Variants in ZP2 observed in about 807,000 individuals in gnomAD.
The protein encoded by ZP2 is zona pellucida glycoprotein 2.
ZP2 carries 51 observed loss-of-function variants against 84.0 expected under a neutral mutation model. The ratio of observed to expected loss-of-function variants is 0.61; its 90% CI spans 0.49 to 0.77. The LOEUF is 0.77. ZP2 is among the 30% of genes least tolerant of loss of function. The pLI, the probability that ZP2 is intolerant of heterozygous loss-of-function variation, is 0.00. For missense variants in ZP2, 909 were observed against 911.9 expected (o/e 1.00, Z 0.04); for synonymous variants, 375 against 330.9 (o/e 1.13, Z -1.45).
upstream of ZP2, chr16:21,214,160 G>A: frequency 1.2e-6 from 1 of 855,664 alleles, no homozygotes; most frequent in Non-Finnish European, 1.4e-6. Context: ...AGGAGATGTG[G>A]TGAGAAAGCC....
chr16:21,202,340 T>C (rs770043260), intron 10 of ZP2, 49 bp from the exon 11 acceptor site: 61 of 1,447,490 alleles, frequency 4.2e-5, no homozygotes, highest in Non-Finnish European at 5.3e-5. Flanking sequence ...TGCCCTGTGA[T>C]ACTGTCATCT....
At chr16:21,201,237 A>G in intron 14 of ZP2, 132 bp downstream of exon 14, 1 of 768,440 alleles carries the variant, frequency 1.3e-6, no homozygotes. Context: ...GAAGAGTCCC[A>G]ATTAGAAAAC....
chr16:21,212,030 C>A (rs1385012286), upstream of ZP2, among the ~76,000 whole-genome samples: 1 of 151,732 alleles, frequency 6.6e-6, no homozygotes, highest in Non-Finnish European at 1.5e-5. Context: ...TGGGTTCAAG[C>A]AATTCTCCTG....
intron 5 of ZP2, 107 bp from the exon 6 acceptor site, chr16:21,205,882 A>C (rs1329665332): frequency 9.3e-7 from 1 of 1,076,012 alleles, no homozygotes; most frequent in Admixed American, 1.9e-5. Flanking sequence ...CTGCTGTGGG[A>C]TGCAGTGGAA....
At chr16:21,210,231 G>T in intron 2 of ZP2, 39 bp from the exon 3 acceptor site, 2 of 1,520,794 alleles carry the variant, frequency 1.3e-6, no homozygotes, top group Non-Finnish European at 1.8e-6. Flanking sequence ...TTTGAGTCAT[G>T]AGTGATGCAA....
rs141308223 is a variant in ZP2 at position 21,205,445 on chromosome 16, T to C, written c.668A>G (p.Asn223Ser). 3.0e-5 allele frequency: 49 copies of C among 1,614,004 alleles called. No individual in the cohort carries two copies. The highest frequency in any genetic ancestry group is 5.3e-5 in the African/African-American group (4 of 74,918). Residue 223 changes from asparagine (N) to serine (S), a missense_variant, in exon 7 of 19, where the codon AAT becomes AGT. Physicochemically the swap from Asn to Ser is conservative, Grantham distance 46. Transcript: ENST00000574091. ...CACATAGTGAGTCACTCCAGTGGCA[T>C]TGAATGGCACATGGAAGGTCATCCT... ...NHRMTFHVPF[N>S]ATGVTHYVQG... is the part of the protein sequence containing the mutation.
chr16:21,209,909 G>C (rs1391477252), intron 3 of ZP2, 184 bp from the exon 4 acceptor site: 3 of 691,478 alleles, frequency 4.3e-6, no homozygotes, highest in Non-Finnish European at 7.5e-6. Flanking sequence ...TCCCAGAGAT[G>C]CTGGCATAAG....
chr16:21,210,554 G>A (rs978006927), intron 2 of ZP2, among the ~76,000 whole-genome samples: 12 of 152,090 alleles, frequency 7.9e-5, no homozygotes, highest in African/African-American at 2.9e-4. Context: ...ACAAAGTCCT[G>A]GGTAAGTCCC....
chr16:21,199,457 G>A lies in ZP2; in HGVS notation c.1927+113C>T, dbSNP rs934459701. On this transcript the variant is annotated intron_variant, in intron 16 of 18. Coordinates refer to ENST00000574091, the MANE Select transcript of ZP2 (RefSeq NM_001376232.1). The stretch of plus-strand genomic sequence containing the variant: ...CCAAGTTTTGACTGGGCCAACAAGA[G>A]CTCTGGGCAGTAAATAAAGTATGAG... 3.4e-5 allele frequency: 33 copies of A among 964,830 alleles called. 1 individual carries two copies. In the African/African-American group the frequency reaches 3.8e-4, roughly 11 times the overall value. 59.8% of individuals were successfully genotyped at this position (964,830 alleles called of 1,614,324 possible).
chr16:21,200,561 G>A (rs951050900), intron 14 of ZP2, among the ~76,000 whole-genome samples: 4 of 152,208 alleles, frequency 2.6e-5, no homozygotes, highest in Non-Finnish European at 5.9e-5. Flanking sequence ...GACAGGACAC[G>A]GCAGGAGAGC....
chr16:21,212,923 T>C (rs1223395978), upstream of ZP2, among the ~76,000 whole-genome samples: 1 of 152,256 alleles, frequency 6.6e-6, no homozygotes, highest in African/African-American at 2.4e-5. Context: ...GATAACTAGA[T>C]GTCTGCAGCC....
rs1322956459 is a variant in ZP2 at position 21,202,242 on chromosome 16, G to A, written c.1149C>T (p.Tyr383=). 3 of 1,562,880 alleles carry A rather than the reference G, an allele frequency of 1.9e-6. No individual in the cohort carries two copies. Among genetic ancestry groups the A allele is most frequent in the Non-Finnish European group, 1.7e-6 (2 of 1,160,750 alleles). ...TQDGFMDVEV[Y]SYQTQPALDL... Reference sequence around the variant, plus strand: ...CAAGAGCTGGTTGTGTTTGGTAGCTGTAGACCTCGACGTCCATAAACCCAT... The same window carrying A: ...CAAGAGCTGGTTGTGTTTGGTAGCTATAGACCTCGACGTCCATAAACCCAT... The change falls in exon 11 of 19, where the codon TAC becomes TAT. Residue 383 remains tyrosine (Y), a synonymous_variant. Transcript: ENST00000574091.
At chr16:21,210,877 ATT>A (rs559320725) in intron 2 of ZP2, among the ~76,000 whole-genome samples, 82 of 133,608 alleles carry the variant, frequency 6.1e-4, no homozygotes, top group African/African-American at 2.1e-3. Context: ...GCCTGGCTGC[ATT>A]TTTTTTTTTT....
chr16:21,198,586 A>G (rs1391768349), intron 17 of ZP2, among the ~76,000 whole-genome samples, 193 bp downstream of exon 17: 1 of 152,212 alleles, frequency 6.6e-6, no homozygotes, highest in African/African-American at 2.4e-5. Flanking sequence ...CTATGATCCT[A>G]CTTGTGTTGA....
intron 1 of ZP2, 21 bp downstream of exon 1, chr16:21,211,465 T>C: frequency 6.2e-7 from 1 of 1,613,954 alleles, no homozygotes; most frequent in Non-Finnish European, 8.5e-7. Flanking sequence ...ACCCCCTCCC[T>C]CCACTTCCAG....
chr16:21,210,454 C>T (rs574493076), intron 2 of ZP2, among the ~76,000 whole-genome samples: 1 of 152,202 alleles, frequency 6.6e-6, no homozygotes, highest in South Asian at 2.1e-4. Context: ...TCTGTAGGAG[C>T]CAGGTCAACA....
chr16:21,213,386 G>T (rs1280465258), upstream of ZP2, among the ~76,000 whole-genome samples: 1 of 152,138 alleles, frequency 6.6e-6, no homozygotes, highest in Non-Finnish European at 1.5e-5. Flanking sequence ...AATTATTTTT[G>T]CATCATCCTA....
At chr16:21,214,398 G>C, upstream of ZP2, 2 of 499,526 alleles carry the variant, frequency 4.0e-6, no homozygotes, top group Non-Finnish European at 5.2e-6. Context: ...TCTCCTATCA[G>C]GAGGTAGGAA....
chr16:21,205,285 C>T lies in ZP2; in HGVS notation c.693+135G>A, dbSNP rs528271700. The T allele has an allele frequency of 6.3e-5, 65 of 1,024,846 alleles. No individual in the cohort carries two copies. In the African/African-American group the frequency reaches 9.1e-4, roughly 14 times the overall value. The allele number at this position is 1,024,846 out of a possible 1,614,324, so 63.5% of individuals were successfully genotyped here. The stretch of plus-strand genomic sequence containing the variant: ...TGGGATTACAGGTGTGAATACCCAG[C>T]GAAGTGTTTGGCACTTAATAGGCAT... On this transcript the variant is annotated intron_variant, in intron 7 of 18. Transcript: ENST00000574091.
Sources: allele counts gnomAD v4.1 joint callset (sites outside exome capture counted in the v4.1 genomes callset), GRCh38; gene constraint gnomAD v4.1.1; transcripts MANE v1.5; gene names NCBI Gene and HGNC (gene_info 2026-07-23, HGNC 2026-07-21).